The following IGSF9B variants were observed in gnomAD, a reference collection of about 807,000 sequenced individuals.
IGSF9B encodes protein turtle homolog B.
Under a neutral mutation model 143.7 loss-of-function variants are expected in IGSF9B, and 48 were observed. That is an observed-to-expected ratio of 0.33 (90% confidence interval 0.26 to 0.42). The LOEUF (loss-of-function observed/expected upper bound fraction) is 0.42. Among genes scored for constraint, IGSF9B ranks in the 20% least tolerant of loss-of-function variants. IGSF9B has a pLI of 1.00. For missense variants in IGSF9B, 1,706 were observed against 1,980.0 expected (o/e 0.86, Z 2.63); for synonymous variants, 903 against 833.1 (o/e 1.08, Z -1.44).
chr11:133,918,764 A>G (rs1327553625), intron 18 of IGSF9B, among the ~76,000 whole-genome samples: 4 of 150,900 alleles, frequency 2.7e-5, no homozygotes, highest in Non-Finnish European at 4.4e-5. Flanking sequence ...CTCCCTCCAC[A>G]GGCGGCTACA....
chr11:133,912,669 G>C (rs541461244), intron 18 of IGSF9B, among the ~76,000 whole-genome samples: 1 of 152,338 alleles, frequency 6.6e-6, no homozygotes, highest in African/African-American at 2.4e-5. Flanking sequence ...CCATGTAAGA[G>C]AACAGGAGAA....
intron 18 of IGSF9B, among the ~76,000 whole-genome samples, chr11:133,912,646 C>T (rs1939319363): frequency 6.6e-6 from 1 of 152,206 alleles, no homozygotes; most frequent in African/African-American, 2.4e-5. Flanking sequence ...AGACGAGGCT[C>T]AGCTCTCCTC....
In IGSF9B at chr11:133,920,298, C is replaced by T. The variant is rs768912911; in HGVS notation, c.3427G>A (p.Gly1143Ser). The stretch of plus-strand genomic sequence containing the variant: ...TCGGGGTAAGGCAGCACAGGTATGC[C>T]CATGCCTTGGCTTGTATGTCGCAGC... ...GQLRHTSQGM[G>S]IPVLPYPEPA... The change falls in exon 18 of 20, where the codon GGC becomes AGC. Residue 1143 changes from glycine to serine, a missense_variant. Gly to Ser is a moderately conservative substitution (Grantham distance 56). Around this residue, in one of 7 missense-constraint regions of IGSF9B, gnomAD observed 880 missense variants for 762.9 expected, o/e 1.15. Transcript: ENST00000533871. 4.6e-5 allele frequency: 71 copies of T among 1,559,752 alleles called. No individual in the cohort carries two copies. Among genetic ancestry groups the T allele is most frequent in the Non-Finnish European group, 6.1e-5 (70 of 1,153,212 alleles).
At chr11:133,936,761 A>C (rs1426984517) in intron 5 of IGSF9B, among the ~76,000 whole-genome samples, 1 of 152,138 alleles carries the variant, frequency 6.6e-6, no homozygotes, top group Non-Finnish European at 1.5e-5. Flanking sequence ...ACCAACCCCC[A>C]CAACCCCCGA....
chr11:133,946,438 C>A (rs1940054159), intron 1 of IGSF9B, 180 bp from the exon 2 acceptor site: 2 of 611,856 alleles, frequency 3.3e-6, no homozygotes, highest in Admixed American at 2.8e-5. Flanking sequence ...GCTGCTCATA[C>A]CTCCCTCTGT....
intron 11 of IGSF9B, 81 bp from the exon 12 acceptor site, chr11:133,929,863 C>A: frequency 1.1e-6 from 1 of 894,804 alleles, no homozygotes; most frequent in Non-Finnish European, 1.8e-6. Flanking sequence ...TGTGGGGAAC[C>A]TGAGAGGCTG....
intron 12 of IGSF9B, among the ~76,000 whole-genome samples, chr11:133,927,339 C>T (rs555285748): frequency 1.3e-5 from 2 of 152,248 alleles, no homozygotes; most frequent in Non-Finnish European, 2.9e-5. Flanking sequence ...AGGTGCAAGT[C>T]GTGCTCAGGA....
At chr11:133,938,686 C>T (rs917330224) in intron 3 of IGSF9B, among the ~76,000 whole-genome samples, 7 of 152,144 alleles carry the variant, frequency 4.6e-5, no homozygotes, top group Admixed American at 4.6e-4. Flanking sequence ...ACTATCAGTT[C>T]CAGAGTCTTC....
At chr11:133,952,153 G>C (rs573245250) in intron 1 of IGSF9B, 2 of 425,552 alleles carry the variant, frequency 4.7e-6, no homozygotes, top group Non-Finnish European at 9.7e-6. Flanking sequence ...GCTTATTCAC[G>C]CAAGAGAGAA....
intron 17 of IGSF9B, among the ~76,000 whole-genome samples, 198 bp from the exon 18 acceptor site, chr11:133,921,595 G>T (rs1001076761): frequency 6.6e-6 from 1 of 151,892 alleles, no homozygotes. Context: ...TAAAGACGGG[G>T]TCTTGCTATG....
intron 1 of IGSF9B, among the ~76,000 whole-genome samples, chr11:133,949,354 T>G (rs1317749765): frequency 1.3e-5 from 2 of 152,130 alleles, no homozygotes; most frequent in African/African-American, 4.8e-5. Flanking sequence ...GCACGGCATA[T>G]TCTCTCACTC....
Position 133,931,254 on chromosome 11 carries a change from A to C in IGSF9B, c.1369-120T>G. On this transcript the variant is annotated intron_variant, in intron 10 of 19. Coordinates refer to ENST00000533871, the MANE Select transcript of IGSF9B (RefSeq NM_001277285.4). The surrounding 1 kb of genome is among the most constrained non-coding windows in gnomAD (Gnocchi z 7.7). ...GCCCGCCCACGCTGCCCTCCTCCCG[A>C]GTGCCTGCCGCTCTTCAGGGTCAGC... 1 of 1,087,376 alleles carries C rather than the reference A, an allele frequency of 9.2e-7. No individual in the cohort carries two copies. The highest frequency in any genetic ancestry group is 1.3e-6 in the Non-Finnish European group (1 of 744,392). The allele number at this position is 1,087,376 out of a possible 1,614,324, so 67.4% of individuals were successfully genotyped here. A position where few individuals can be genotyped will look rare whatever the true frequency, so the allele number is the denominator to read the frequency against.
At position 133,920,332 on chromosome 11, in the gene IGSF9B, G is replaced by A. The variant is rs766734921; in HGVS notation, c.3393C>T (p.Ser1131=). The A allele has an allele frequency of 1.9e-6, 3 of 1,595,182 alleles. No individual in the cohort carries two copies. Among genetic ancestry groups the A allele is most frequent in the Non-Finnish European group, 2.6e-6 (3 of 1,170,416 alleles). Residue 1131 remains serine, a synonymous_variant, in exon 18 of 20, where the codon AGC becomes AGT. Transcript: ENST00000533871. ...WQDRPMQPLV[S]QGQLRHTSQG... The stretch of plus-strand genomic sequence containing the variant: ...GGCTTGTATGTCGCAGCTGCCCTTG[G>A]CTTACCAGAGGTTGCATAGGTCTGT...
Position 133,911,876 on chromosome 11 carries a change from C to T in IGSF9B, c.4105+10G>A, listed in dbSNP as rs1032621482. ...GGGAGGAGCGGGGCGGGCCACTGCC[C>T]ATCATTTACCGGATCGTTTCTTTGA... On this transcript the variant is annotated intron_variant, in intron 19 of 19. Transcript: ENST00000533871. 2.0e-6 allele frequency: 3 copies of T among 1,522,122 alleles called. No individual in the cohort carries two copies. Among genetic ancestry groups the T allele is most frequent in the East Asian group, 4.9e-5 (2 of 40,756 alleles). The allele number at this position is 1,522,122 out of a possible 1,614,324, so 94.3% of individuals were successfully genotyped here.
In IGSF9B at chr11:133,909,400, T is replaced by C; in HGVS notation, c.4106-123A>G. 1.2e-6 allele frequency: 1 copy of C among 829,156 alleles called. No homozygotes were observed. The highest frequency in any genetic ancestry group is 1.6e-5 in the South Asian group (1 of 61,104). The allele number at this position is 829,156 out of a possible 1,614,324, so 51.4% of individuals were successfully genotyped here. On this transcript the variant is annotated intron_variant, in intron 19 of 19. Coordinates refer to ENST00000533871, the MANE Select transcript of IGSF9B (RefSeq NM_001277285.4). The surrounding 1 kb of genome is among the most constrained non-coding windows in gnomAD (Gnocchi z 4.2). Reference sequence around the variant, plus strand: ...CTAATGTTGAAACAAAGGAATCACCTGAGTCTAGAGAGACCAGACCGAATT... The same window carrying C: ...CTAATGTTGAAACAAAGGAATCACCCGAGTCTAGAGAGACCAGACCGAATT...
At position 133,906,511 on chromosome 11, in the gene IGSF9B, C is replaced by T. The variant is rs550629082; in HGVS notation, c.*2558G>A. ...TCGGTGACCAGCGAAAAGCACGGCT[C>T]CCCGCGTTGGGTCTACGTGCTGAGG... On this transcript the variant is annotated 3_prime_UTR_variant, in exon 20 of 20. Transcript: ENST00000533871. Among the ~76,000 whole-genome samples the T allele has an allele frequency of 1.3e-5, 2 of 152,202 alleles. No homozygotes were observed. Among genetic ancestry groups the T allele is most frequent in the South Asian group, 2.1e-4 (1 of 4,822 alleles).
At position 133,904,562 on chromosome 11, in the gene IGSF9B, A is replaced by G. The variant is rs1939185712; in HGVS notation, c.*4507T>C. On this transcript the variant is annotated 3_prime_UTR_variant, in exon 20 of 20. Coordinates refer to ENST00000533871, the MANE Select transcript of IGSF9B (RefSeq NM_001277285.4). ...CCTGATGCCCAGATCCCCCTCCCAC[A>G]TGCCCTGCATGGCTACCACTCCCCA... Among the ~76,000 whole-genome samples, 1 of 151,906 alleles carries G rather than the reference A, an allele frequency of 6.6e-6. No homozygotes were observed. Among genetic ancestry groups the G allele is most frequent in the Non-Finnish European group, 1.5e-5 (1 of 67,962 alleles).
intron 1 of IGSF9B, among the ~76,000 whole-genome samples, chr11:133,955,733 G>C (rs749574295): frequency 6.6e-6 from 1 of 152,212 alleles, no homozygotes; most frequent in Non-Finnish European, 1.5e-5. Context: ...AGGCTTGTAG[G>C]TCGCTCTGCC....
intron 12 of IGSF9B, among the ~76,000 whole-genome samples, chr11:133,927,572 C>A (rs1402121368): frequency 1.3e-5 from 2 of 152,252 alleles, no homozygotes; most frequent in Non-Finnish European, 2.9e-5. Flanking sequence ...TCCAATCAGA[C>A]TGGAGTCACC....
Sources: gnomAD v4.1 joint callset for allele counts (sites outside exome capture counted in the v4.1 genomes callset) on GRCh38, gnomAD v4.1.1 for gene constraint, gnomAD v4.1.1 regional missense constraint, Gnocchi (gnomAD v3.1) non-coding constraint, MANE v1.5 for transcripts, NCBI Gene and HGNC (gene_info 2026-07-23, HGNC 2026-07-21) for gene names.